CEACAM19: variants seen among roughly 807,000 people sequenced by gnomAD.
CEACAM19 encodes the protein cell adhesion molecule CEACAM19.
Under a neutral mutation model 37.6 loss-of-function variants are expected in CEACAM19, and 37 were observed. The observed-to-expected ratio is 0.98, with a 90% CI of 0.76 to 1.29. The LOEUF (loss-of-function observed/expected upper bound fraction) is 1.29. Among genes scored for constraint, CEACAM19 ranks in the 50% most tolerant of loss-of-function variants. The pLI, the probability that CEACAM19 is intolerant of heterozygous loss-of-function variation, is 0.00. For synonymous variants in CEACAM19, 140 were observed against 149.8 expected (o/e 0.93, Z 0.48); for missense variants, 340 against 375.6 (o/e 0.91, Z 0.78).
chr19:44,683,829 C>T lies in CEACAM19; in HGVS notation c.*339C>T, dbSNP rs1974109663. On this transcript the variant is annotated 3_prime_UTR_variant, in exon 8 of 8. Transcript: ENST00000358777. ...ATATCTGGGGACAAGATGGTGGCCT[C>T]AGGCCTGCCTCCCAGGCAGTTGGCT... is the stretch of plus-strand genomic sequence containing the variant. The T allele has an allele frequency of 3.9e-6, 1 of 258,402 alleles. No individual in the cohort carries two copies. The highest frequency in any genetic ancestry group is 7.3e-6 in the Non-Finnish European group (1 of 136,460). 16.0% of individuals were successfully genotyped at this position (258,402 alleles called of 1,614,324 possible).
chr19:44,679,563 C>T (rs866611211), intron 4 of CEACAM19, among the ~76,000 whole-genome samples: 14 of 152,284 alleles, frequency 9.2e-5, no homozygotes, highest in Middle Eastern at 3.4e-3. Context: ...TCCTGGCTAA[C>T]ACGGTGAAAC....
Position 44,682,635 on chromosome 19 carries a change from G to C in CEACAM19, c.846+15G>C, listed in dbSNP as rs770963500. 1 of 1,592,874 alleles carries C rather than the reference G, an allele frequency of 6.3e-7. No homozygotes were observed. The highest frequency in any genetic ancestry group is 1.1e-5 in the South Asian group (1 of 87,842). On this transcript the variant is annotated intron_variant, in intron 7 of 7. Transcript: ENST00000358777. ...ACCAGTACCAGGTATGGAGCTGGGA[G>C]CTGGGAGGGGTGGTGGGGATCCCAC...
intron 1 of CEACAM19, 41 bp downstream of exon 1, chr19:44,672,027 G>A (rs1276753642): frequency 6.6e-7 from 1 of 1,515,376 alleles, no homozygotes; most frequent in South Asian, 1.2e-5. Flanking sequence ...GGGAGAAATG[G>A]GGACTCAGCC....
upstream of CEACAM19, among the ~76,000 whole-genome samples, chr19:44,668,663 TTATATACA>T (rs1349059360): frequency 1.5e-5 from 1 of 64,602 alleles, no homozygotes; most frequent in African/African-American, 6.9e-5. Context: ...AATTATATAA[TTATATACA>T]TATATTATAT....
chr19:44,680,234 C>A, intron 4 of CEACAM19, 54 bp from the exon 5 acceptor site: 1 of 1,455,866 alleles, frequency 6.9e-7, no homozygotes, highest in Non-Finnish European at 9.6e-7. Context: ...AGTCTCTCTC[C>A]CCCCGCCTGA....
At chr19:44,669,735 C>G (rs760400668), upstream of CEACAM19, among the ~76,000 whole-genome samples, 1 of 152,166 alleles carries the variant, frequency 6.6e-6, no homozygotes, top group Non-Finnish European at 1.5e-5. Context: ...TACTCCAGGT[C>G]TCAGCTCAGA....
chr19:44,681,781 T>C (rs186659101), intron 6 of CEACAM19, among the ~76,000 whole-genome samples: 79 of 151,122 alleles, frequency 5.2e-4, no homozygotes, highest in African/African-American at 1.9e-3. Context: ...AATACAAAAA[T>C]TAGCCAGGTG....
At chr19:44,676,496 C>A in intron 3 of CEACAM19, 75 bp downstream of exon 3, 1 of 1,440,182 alleles carries the variant, frequency 6.9e-7, no homozygotes, top group Non-Finnish European at 9.7e-7. Flanking sequence ...TTCCACAAGT[C>A]ACATCATCCG....
rs1011891021 is a variant in CEACAM19 at position 44,671,866 on chromosome 19, G to A, written c.-66G>A. Reference sequence around the variant, plus strand: ...GAGCTGGCCTACTTCAGACAGCCAGGGCCCACCCCTCTGGCCCCCTTAGTG... The same window carrying A: ...GAGCTGGCCTACTTCAGACAGCCAGAGCCCACCCCTCTGGCCCCCTTAGTG... On this transcript the variant is annotated 5_prime_UTR_variant, in exon 1 of 8. Coordinates refer to ENST00000358777, the MANE Select transcript of CEACAM19 (RefSeq NM_001127893.3). 2.1e-6 allele frequency: 3 copies of A among 1,452,434 alleles called. No individual in the cohort carries two copies. Among genetic ancestry groups the A allele is most frequent in the Non-Finnish European group, 2.8e-6 (3 of 1,054,750 alleles). The allele number at this position is 1,452,434 out of a possible 1,614,324, so 90.0% of individuals were successfully genotyped here.
At chr19:44,674,211 G>T (rs1469961159) in intron 2 of CEACAM19, among the ~76,000 whole-genome samples, 2 of 151,100 alleles carry the variant, frequency 1.3e-5, no homozygotes, top group African/African-American at 4.9e-5. Context: ...CTGCACTCCA[G>T]CCTGGGCAAC....
chr19:44,676,287 G>T lies in CEACAM19; in HGVS notation c.441G>T (p.Leu147=), dbSNP rs775392197. 7 of 1,613,910 alleles carry T rather than the reference G, an allele frequency of 4.3e-6. No individual in the cohort carries two copies. In the African/African-American group the frequency reaches 6.7e-5, roughly 15 times the overall value. ...EVQVAEKNKE[L]PSTHLPTNAG... ...ACCCCTCAGAAAAGAATAAGGAGCT[G>T]CCCAGTACACACCTGCCCACCAACG... The change falls in exon 3 of 8, where the codon CTG becomes CTT. Residue 147 remains leucine, a synonymous_variant. Transcript: ENST00000358777.
At chr19:44,680,236 C>T (rs374506582) in intron 4 of CEACAM19, 52 bp from the exon 5 acceptor site, 4 of 1,475,792 alleles carry the variant, frequency 2.7e-6, no homozygotes, top group African/African-American at 1.4e-5. Flanking sequence ...TCTCTCTCCC[C>T]CCGCCTGAGT....
chr19:44,669,482 A>C (rs1480819833), upstream of CEACAM19, among the ~76,000 whole-genome samples: 3 of 151,894 alleles, frequency 2.0e-5, no homozygotes, highest in Non-Finnish European at 4.4e-5. Flanking sequence ...ACAGCATAAC[A>C]CTAGACCCTC....
intron 2 of CEACAM19, among the ~76,000 whole-genome samples, chr19:44,675,677 T>G (rs1291818034): frequency 2.0e-5 from 3 of 152,120 alleles, no homozygotes; most frequent in Admixed American, 6.5e-5. Context: ...TCCCAGCTAC[T>G]TGGGGGACTG....
chr19:44,671,810 G>T lies in CEACAM19; in HGVS notation c.-122G>T. On this transcript the variant is annotated 5_prime_UTR_variant, in exon 1 of 8. Coordinates refer to ENST00000358777, the MANE Select transcript of CEACAM19 (RefSeq NM_001127893.3). ...TGCTGGGGCTGGGCCAGCCCCAGCG[G>T]TGTCTCTAAGGCACCCCTGGGATCC... 2 of 749,778 alleles carry T rather than the reference G, an allele frequency of 2.7e-6. No individual in the cohort carries two copies. The highest frequency in any genetic ancestry group is 1.7e-5 in the South Asian group (1 of 58,964). The allele number at this position is 749,778 out of a possible 1,614,324, so 46.4% of individuals were successfully genotyped here.
At chr19:44,673,224 C>A (rs1418999292) in intron 2 of CEACAM19, among the ~76,000 whole-genome samples, 2 of 152,188 alleles carry the variant, frequency 1.3e-5, no homozygotes, top group Non-Finnish European at 2.9e-5. Context: ...CATGCACTAA[C>A]ATTAACCAAA....
At chr19:44,669,743 A>C (rs574885424), upstream of CEACAM19, among the ~76,000 whole-genome samples, 30 of 152,198 alleles carry the variant, frequency 2.0e-4, no homozygotes, top group African/African-American at 7.2e-4. Flanking sequence ...GTCTCAGCTC[A>C]GATGCCCCCT....
At chr19:44,666,253 T>C (rs1217465273) in intron 1 of CEACAM19, 1 of 151,512 alleles carries the variant, frequency 6.6e-6, no homozygotes, top group African/African-American at 2.4e-5. Flanking sequence ...ACAGAGAGAG[T>C]AGAATCCAGC....
chr19:44,680,474 G>A, intron 5 of CEACAM19, 140 bp downstream of exon 5: 1 of 704,416 alleles, frequency 1.4e-6, no homozygotes, highest in Admixed American at 2.4e-5. Context: ...GGGGCCCCCT[G>A]AACTCACCCA....
Sources: allele counts gnomAD v4.1 joint callset (sites outside exome capture counted in the v4.1 genomes callset), GRCh38; gene constraint gnomAD v4.1.1; transcripts MANE v1.5; gene names NCBI Gene and HGNC (gene_info 2026-07-23, HGNC 2026-07-21).